Variants in VIT observed in about 807,000 individuals in gnomAD.
VIT encodes the protein vitrin.
Under a neutral mutation model 78.0 loss-of-function variants are expected in VIT, and 99 were observed. The ratio of observed to expected loss-of-function variants is 1.27; its 90% confidence interval spans 1.08 to 1.50. The LOEUF (loss-of-function observed/expected upper bound fraction) is 1.50, where lower values mean the gene tolerates loss of function less well. Ranked by LOEUF, VIT falls within the 40% of genes most tolerant of loss-of-function variation. The pLI, the probability that VIT is intolerant of heterozygous loss-of-function variation, is 0.00. For missense variants in VIT, 1,126 were observed against 875.3 expected, an observed-to-expected ratio of 1.29 and a Z score of -3.61; for synonymous variants, 374 against 334.3, an observed-to-expected ratio of 1.12 and a Z score of -1.29.
chr2:36,758,070 C>T (rs1217890452), intron 5 of VIT, among the ~76,000 whole-genome samples: 5 of 152,194 alleles, frequency 3.3e-5, no homozygotes, highest in African/African-American at 9.7e-5. Flanking sequence ...AAAAGTATTC[C>T]CTCCAGATGG....
intron 4 of VIT, among the ~76,000 whole-genome samples, chr2:36,750,830 A>G (rs1186582905): frequency 6.6e-6 from 1 of 152,018 alleles, no homozygotes; most frequent in Non-Finnish European, 1.5e-5. Flanking sequence ...CAAAAAAAAA[A>G]AGAAGAAAAA....
chr2:36,743,161 GA>G lies in VIT; in HGVS notation c.183del (p.Lys61AsnfsTer76), dbSNP rs1342159757. ...GKIIDPEFIVKCPAGCQDPKY... is the reference protein window; with the variant it reads ...GKIIDPEFIVXCPAGCQDPKY... ...AGATCATCGATCCTGAGTTCATTGT[GA>G]AATGTCCAGCAGGATGCCAAGACCC... is the stretch of plus-strand genomic sequence containing the variant. On this transcript the variant is annotated frameshift_variant, in exon 4 of 16. Transcript: ENST00000379242. LOFTEE classifies it high-confidence loss of function. 1.2e-6 allele frequency: 2 copies of G among 1,614,068 alleles called. No individual in the cohort carries two copies.
intron 15 of VIT, among the ~76,000 whole-genome samples, chr2:36,812,651 T>A (rs1040820549): frequency 6.6e-6 from 1 of 152,006 alleles, no homozygotes; most frequent in African/African-American, 2.4e-5. Context: ...TCCCTATAAA[T>A]AAAACATTTT....
chr2:36,763,292 C>T (rs144930070), intron 6 of VIT, among the ~76,000 whole-genome samples: 12 of 152,166 alleles, frequency 7.9e-5, no homozygotes, highest in Non-Finnish European at 1.3e-4. Flanking sequence ...GCACCACCTG[C>T]TATGTTTGAG....
chr2:36,777,558 C>T (rs1279801603), intron 9 of VIT, among the ~76,000 whole-genome samples: 1 of 152,174 alleles, frequency 6.6e-6, no homozygotes, highest in Non-Finnish European at 1.5e-5. Flanking sequence ...AACACCCCAA[C>T]TTCCATTTGG....
chr2:36,733,617 A>T (rs1415617366), intron 3 of VIT, among the ~76,000 whole-genome samples: 2 of 152,274 alleles, frequency 1.3e-5, no homozygotes, highest in East Asian at 3.8e-4. Context: ...ATTTACATGC[A>T]TATACAGATA....
intron 2 of VIT, among the ~76,000 whole-genome samples, chr2:36,721,781 C>A (rs1377155861): frequency 6.6e-6 from 1 of 152,238 alleles, no homozygotes; most frequent in Non-Finnish European, 1.5e-5. Flanking sequence ...CTTCCTCTCA[C>A]TTCCTCCCAC....
chr2:36,708,482 G>A (rs758038894), intron 1 of VIT, among the ~76,000 whole-genome samples: 6 of 151,982 alleles, frequency 3.9e-5, no homozygotes, highest in East Asian at 1.9e-4. Context: ...AAGCCTCTAG[G>A]GGGCTTATTA....
chr2:36,809,481 C>T (rs2148684422), intron 15 of VIT, among the ~76,000 whole-genome samples: 1 of 152,250 alleles, frequency 6.6e-6, no homozygotes, highest in South Asian at 2.1e-4. Flanking sequence ...GCAACGGTGC[C>T]ATCTCCAATC....
At chr2:36,798,335 G>C (rs1666057272) in intron 12 of VIT, among the ~76,000 whole-genome samples, 1 of 152,178 alleles carries the variant, frequency 6.6e-6, no homozygotes, top group South Asian at 2.1e-4. Context: ...CGGTGTTACA[G>C]TAGACATACA....
chr2:36,783,131 C>T (rs879613), intron 10 of VIT, among the ~76,000 whole-genome samples: 5,120 of 152,204 alleles, frequency 0.034, 254 homozygotes, highest in East Asian at 0.19. Context: ...ATTTCAAATC[C>T]CCCAGCAGAG....
intron 15 of VIT, 124 bp downstream of exon 15, chr2:36,809,109 C>A: frequency 7.5e-7 from 1 of 1,341,638 alleles, no homozygotes; most frequent in Non-Finnish European, 1.0e-6. Context: ...TAAAAATGTT[C>A]AAAGCCGCAG....
intron 4 of VIT, among the ~76,000 whole-genome samples, chr2:36,751,730 G>A (rs1324816512): frequency 3.3e-5 from 5 of 152,110 alleles, no homozygotes; most frequent in Non-Finnish European, 7.4e-5. Flanking sequence ...AGCTTGATTC[G>A]CTTGTTTTGC....
chr2:36,814,065 G>T (rs1572596445), intron 15 of VIT, 118 bp from the exon 16 acceptor site: 2 of 1,274,748 alleles, frequency 1.6e-6, no homozygotes, highest in Middle Eastern at 2.7e-4. Flanking sequence ...GTTTTGTTTT[G>T]TTTGGGCATA....
At chr2:36,767,550 G>A (rs1013527018) in intron 7 of VIT, among the ~76,000 whole-genome samples, 1 of 152,230 alleles carries the variant, frequency 6.6e-6, no homozygotes, top group Non-Finnish European at 1.5e-5. Context: ...TGAAGGGATG[G>A]TAGATTTCTA....
chr2:36,730,805 C>T (rs528187546), intron 3 of VIT, among the ~76,000 whole-genome samples: 3 of 152,254 alleles, frequency 2.0e-5, no homozygotes, highest in Admixed American at 6.5e-5. Context: ...GGGTGGTTCC[C>T]CTACCCAAAG....
At chr2:36,803,856 C>T (rs1666511096) in intron 13 of VIT, among the ~76,000 whole-genome samples, 1 of 152,064 alleles carries the variant, frequency 6.6e-6, no homozygotes, top group Admixed American at 6.6e-5. Context: ...AAGCTATGGC[C>T]CTTCTATCCA....
chr2:36,783,486 A>T (rs879237900), intron 11 of VIT, 84 bp downstream of exon 11: 1 of 1,314,364 alleles, frequency 7.6e-7, no homozygotes, highest in East Asian at 2.5e-5. Flanking sequence ...TCCCACTCAA[A>T]CCTGCCTCTC....
chr2:36,774,737 G>A (rs1669950921), intron 8 of VIT: 1 of 985,260 alleles, frequency 1.0e-6, no homozygotes, highest in South Asian at 4.7e-5. Context: ...ACACTGGCCA[G>A]GGCAAGGACT....
Sources: gnomAD v4.1 joint callset for allele counts (sites outside exome capture counted in the v4.1 genomes callset) on GRCh38, gnomAD v4.1.1 for gene constraint, MANE v1.5 for transcripts, NCBI Gene and HGNC (gene_info 2026-07-23, HGNC 2026-07-21) for gene names.